TMEM175: variants seen among roughly 807,000 people sequenced by gnomAD.
TMEM175 encodes endosomal/lysosomal proton channel TMEM175.
Under a neutral mutation model 36.5 loss-of-function variants are expected in TMEM175, and 36 were observed. That is an observed-to-expected ratio of 0.99 (90% CI 0.76 to 1.30). The LOEUF is 1.30. Ranked by LOEUF, TMEM175 falls within the 50% of genes most tolerant of loss-of-function variation. The pLI is 0.00. For missense variants in TMEM175, 705 were observed against 692.8 expected (o/e 1.02, Z -0.20); for synonymous variants, 339 against 313.4 (o/e 1.08, Z -0.86).
At chr4:947,634 G>C (rs1728346359) in intron 1 of TMEM175, 75 bp from the exon 2 acceptor site, 2 of 1,230,366 alleles carry the variant, frequency 1.6e-6, no homozygotes, top group African/African-American at 3.0e-5. Context: ...CCCTGTCCCT[G>C]CACCAGGGCT....
At chr4:953,986 A>T (rs1429992769) in intron 8 of TMEM175, among the ~76,000 whole-genome samples, 2 of 149,642 alleles carry the variant, frequency 1.3e-5, no homozygotes, top group Non-Finnish European at 3.0e-5. Flanking sequence ...GCCAGCCTTT[A>T]TTTTCTTTTT....
chr4:942,057 C>CT (rs1182520468), intron 1 of TMEM175, among the ~76,000 whole-genome samples: 9 of 126,312 alleles, frequency 7.1e-5, no homozygotes, highest in African/African-American at 1.8e-4. Flanking sequence ...CGAATTCATT[C>CT]TTTTTTTTTC....
Position 955,808 on chromosome 4 carries a change from G to A in TMEM175, c.760G>A (p.Glu254Lys), listed in dbSNP as rs201239598. 9.2e-5 allele frequency: 148 copies of A among 1,613,952 alleles called. No homozygotes were observed. Among genetic ancestry groups the A allele is most frequent in the Non-Finnish European group, 1.1e-4 (128 of 1,179,994 alleles). Residue 254 changes from glutamate (E) to lysine (K), a missense_variant, in exon 10 of 11, where the codon GAG (glutamate) becomes AAG (lysine). By Grantham distance (56) the Glu-to-Lys change is moderately conservative (BLOSUM62 1). Coordinates refer to ENST00000264771, the MANE Select transcript of TMEM175 (RefSeq NM_032326.4). ...PVEVFSFDLH[E>K]PLSKERVEAF... ...GGAAGTCTTCTCGTTTGACCTCCACGAGCCACTCAGCAAGGAGCGCGTGGA... is the reference window on the plus strand; with the variant it reads ...GGAAGTCTTCTCGTTTGACCTCCACAAGCCACTCAGCAAGGAGCGCGTGGA...
intron 1 of TMEM175, among the ~76,000 whole-genome samples, chr4:933,442 C>T (rs192239619): frequency 1.2e-3 from 189 of 152,050 alleles, no homozygotes; most frequent in African/African-American, 4.4e-3. Context: ...GGGAGGCGGG[C>T]GCCACTGTAC....
intron 1 of TMEM175, among the ~76,000 whole-genome samples, chr4:938,980 T>G (rs1260020760): frequency 6.6e-6 from 1 of 152,238 alleles, no homozygotes; most frequent in Non-Finnish European, 1.5e-5. Flanking sequence ...TTACCTAATT[T>G]AAACACTTAA....
chr4:950,155 C>T (rs986952845), intron 3 of TMEM175, among the ~76,000 whole-genome samples: 9 of 150,424 alleles, frequency 6.0e-5, no homozygotes, highest in Admixed American at 1.3e-4. Flanking sequence ...CATGGATCAG[C>T]GCCCTGGAGA....
At chr4:950,587 G>A (rs1232205928) in intron 4 of TMEM175, 69 bp downstream of exon 4, 16 of 1,196,172 alleles carry the variant, frequency 1.3e-5, no homozygotes, top group Admixed American at 1.0e-4. Context: ...ACCACATCAC[G>A]CACGGGTCCA....
At chr4:954,413 T>A (rs1729356621) in intron 8 of TMEM175, among the ~76,000 whole-genome samples, 1 of 152,172 alleles carries the variant, frequency 6.6e-6, no homozygotes, top group African/African-American at 2.4e-5. Flanking sequence ...CTGTTGGTGC[T>A]TGGAGAATGT....
chr4:945,415 C>T (rs1728019079), intron 1 of TMEM175, among the ~76,000 whole-genome samples: 1 of 152,144 alleles, frequency 6.6e-6, no homozygotes, highest in African/African-American at 2.4e-5. Context: ...TCATTCCAGC[C>T]TCGGTTTCTG....
At chr4:956,208 G>A (rs1357779475) in intron 10 of TMEM175, 8 of 921,884 alleles carry the variant, frequency 8.7e-6, no homozygotes, top group Middle Eastern at 2.5e-4. Flanking sequence ...AGCAGCCATG[G>A]GTATCCCCCT....
At chr4:948,201 T>C in intron 3 of TMEM175, 47 bp downstream of exon 3, 8 of 1,613,914 alleles carry the variant, frequency 5.0e-6, no homozygotes, top group South Asian at 1.1e-5. Flanking sequence ...TGCGAAGATA[T>C]AGGGTCCCCG....
chr4:956,634 A>G (rs1468917940), intron 10 of TMEM175: 14 of 436,390 alleles, frequency 3.2e-5, no homozygotes, highest in Non-Finnish European at 5.1e-5. Flanking sequence ...AATAGAGATG[A>G]GGTTTCACCA....
chr4:957,916 C>G lies in TMEM175; in HGVS notation c.935C>G (p.Ala312Gly). 6.2e-7 allele frequency: 1 copy of G among 1,612,890 alleles called. No homozygotes were observed. The highest frequency in any genetic ancestry group is 8.5e-7 in the Non-Finnish European group (1 of 1,179,978). Reference sequence around the variant, plus strand: ...AGTGCGACCGGGCCGCGCTTCCTGGCGTACTTCGGCTCCTTCGCCACAGTG... The same window carrying G: ...AGTGCGACCGGGCCGCGCTTCCTGGGGTACTTCGGCTCCTTCGCCACAGTG... ...ALSATGPRFL[A>G]YFGSFATVGL... The change falls in exon 11 of 11, where the codon GCG becomes GGG. Residue 312 changes from alanine (A) to glycine (G), a missense_variant. Physicochemically the swap from Ala to Gly is moderately conservative, Grantham distance 60. Transcript: ENST00000264771.
In TMEM175 at chr4:957,849, G is replaced by A. The variant is rs749762356; in HGVS notation, c.868G>A (p.Asp290Asn). Reference protein sequence around the residue: ...ICEDNVPDPKDVKERFSGSLV... With the variant: ...ICEDNVPDPKNVKERFSGSLV... ...CGAAGACAACGTCCCGGACCCCAAG[G>A]ATGTGAAGGAGAGGTTCAGCGGCAG... Residue 290 changes from aspartate (D) to asparagine (N), a missense_variant, in exon 11 of 11, where the codon GAT becomes AAT. Coordinates refer to ENST00000264771, the MANE Select transcript of TMEM175 (RefSeq NM_032326.4). 6.2e-7 allele frequency: 1 copy of A among 1,611,690 alleles called. No individual in the cohort carries two copies. The highest frequency in any genetic ancestry group is 8.5e-7 in the Non-Finnish European group (1 of 1,179,364).
At chr4:948,777 GT>G in intron 3 of TMEM175, among the ~76,000 whole-genome samples, 1 of 152,370 alleles carries the variant, frequency 6.6e-6, no homozygotes, top group Admixed American at 6.5e-5. Flanking sequence ...AGCTTCATGG[GT>G]GCGCAAGGCA....
rs1281872038 is a variant in TMEM175, at chr4:958,043, C to T, written c.1062C>T (p.Gly354=). The change falls in exon 11 of 11, where the codon GGC becomes GGT. Residue 354 remains glycine (G), a synonymous_variant. Coordinates refer to ENST00000264771, the MANE Select transcript of TMEM175 (RefSeq NM_032326.4). The part of the protein sequence containing the change: ...LNTLSLAFVG[G]LPLAYQQTSA... The stretch of plus-strand genomic sequence containing the variant: ...CGCTCTCGCTGGCCTTCGTGGGTGG[C>T]CTCCCACTAGCCTACCAGCAGACCT... 1.2e-6 allele frequency: 2 copies of T among 1,610,998 alleles called. No homozygotes were observed. The highest frequency in any genetic ancestry group is 8.5e-7 in the Non-Finnish European group (1 of 1,179,382).
chr4:933,317 G>A (rs771595423), intron 1 of TMEM175, among the ~76,000 whole-genome samples: 4 of 151,972 alleles, frequency 2.6e-5, no homozygotes, highest in Non-Finnish European at 4.4e-5. Context: ...GACCAGCCTG[G>A]TCAACATGGT....
rs190506018 is a variant in TMEM175 at position 944,820 on chromosome 4, G to C, written c.-31-2889G>C. The stretch of plus-strand genomic sequence containing the variant: ...TAGTTTTATTGTTAAAACACACCGG[G>C]CTGGCTGCGGTGGCTCTCGCCTGTA... On this transcript the variant is annotated intron_variant, in intron 1 of 10. Coordinates refer to ENST00000264771, the MANE Select transcript of TMEM175 (RefSeq NM_032326.4). 2.5e-3 allele frequency among the ~76,000 whole-genome samples: 386 copies of C among 152,278 alleles called. 3 individuals are homozygous for C. Among genetic ancestry groups the C allele is most frequent in the African/African-American group, 8.8e-3 (367 of 41,542 alleles).
intron 1 of TMEM175, among the ~76,000 whole-genome samples, chr4:934,477 G>C (rs147655516): frequency 5.3e-5 from 8 of 152,030 alleles, no homozygotes; most frequent in Non-Finnish European, 1.0e-4. Flanking sequence ...GGGATCATTG[G>C]TGACCTCACC....
Sources: gnomAD v4.1 joint callset for allele counts (sites outside exome capture counted in the v4.1 genomes callset) on GRCh38, gnomAD v4.1.1 for gene constraint, MANE v1.5 for transcripts, NCBI Gene and HGNC (gene_info 2026-07-23, HGNC 2026-07-21) for gene names.